Variants in DNAH17 observed in about 807,000 individuals in gnomAD.
DNAH17 encodes dynein axonemal heavy chain 17.
A neutral mutation model predicts 485.6 loss-of-function variants in DNAH17; 376 were observed. That is an observed-to-expected ratio of 0.77 (90% CI 0.71 to 0.84). The LOEUF is 0.84. DNAH17 is among the 40% of genes least tolerant of loss of function. The pLI is 0.00. For synonymous variants in DNAH17, 3,031 were observed against 2,405.9 expected (o/e 1.26, Z -7.60); for missense variants, 6,370 against 5,839.3 (o/e 1.09, Z -2.96).
In DNAH17 at chr17:78,502,582, G is replaced by A; in HGVS notation, c.5190+9C>T. On this transcript the variant is annotated intron_variant, in intron 33 of 80. Coordinates refer to ENST00000389840, the MANE Select transcript of DNAH17 (RefSeq NM_173628.4). The stretch of plus-strand genomic sequence containing the variant: ...TAAAAACGTAACTAACTACACACTA[G>A]TAACACACCTGCTTTTTGTTATAAT... 1 of 1,611,148 alleles carries A rather than the reference G, an allele frequency of 6.2e-7. No homozygotes were observed. Among genetic ancestry groups the A allele is most frequent in the Non-Finnish European group, 8.5e-7 (1 of 1,178,612 alleles).
At chr17:78,511,870 G>T (rs1373089260) in intron 26 of DNAH17, among the ~76,000 whole-genome samples, 5 of 152,246 alleles carry the variant, frequency 3.3e-5, no homozygotes, top group African/African-American at 1.2e-4. Context: ...AGGGGCACAT[G>T]AACCTGTTAC....
intron 16 of DNAH17, among the ~76,000 whole-genome samples, chr17:78,548,641 C>G (rs892072666): frequency 2.0e-5 from 3 of 152,212 alleles, no homozygotes; most frequent in Admixed American, 6.5e-5. Flanking sequence ...CCTTTTGGTC[C>G]TAACCCCTTT....
intron 25 of DNAH17, chr17:78,522,782 G>T: frequency 4.4e-6 from 1 of 226,544 alleles, no homozygotes. Context: ...AAAGCTAGAA[G>T]CTCTTTTGGT....
chr17:78,526,932 G>A lies in DNAH17; in HGVS notation c.3572C>T (p.Pro1191Leu). ...GATGCTGACCTCGTTGGCCTGGAGT[G>A]GTGCCACGGTCAGCTTCACCTGAAT... ...LAIQVKLTVAPLQANEVSILR... is the reference protein window; with the variant it reads ...LAIQVKLTVALLQANEVSILR... Residue 1191 changes from proline (P) to leucine (L), a missense_variant, in exon 23 of 81, where the codon CCA becomes CTA. Pro to Leu is a moderately conservative substitution (Grantham distance 98). Coordinates refer to ENST00000389840, the MANE Select transcript of DNAH17 (RefSeq NM_173628.4). 1.3e-6 allele frequency: 2 copies of A among 1,587,968 alleles called. No individual in the cohort carries two copies. The highest frequency in any genetic ancestry group is 1.7e-6 in the Non-Finnish European group (2 of 1,166,930).
At chr17:78,461,824 T>G in intron 57 of DNAH17, 116 bp from the exon 58 acceptor site, 4 of 1,017,528 alleles carry the variant, frequency 3.9e-6, no homozygotes, top group Non-Finnish European at 5.6e-6. Flanking sequence ...GGGCCGTGTC[T>G]TACGACTCCC....
At chr17:78,554,948 C>T (rs893748935) in intron 14 of DNAH17, among the ~76,000 whole-genome samples, 6 of 152,140 alleles carry the variant, frequency 3.9e-5, no homozygotes, top group East Asian at 1.9e-4. Flanking sequence ...GGTATTAGCA[C>T]GTTGGCCAGG....
chr17:78,500,616 C>CTCA, intron 35 of DNAH17, 155 bp from the exon 36 acceptor site: 1 of 661,740 alleles, frequency 1.5e-6, no homozygotes, highest in Non-Finnish European at 2.3e-6. Context: ...TCAAATGATT[C>CTCA]TCATGCCTCA....
chr17:78,561,682 G>A (rs2092158351), intron 12 of DNAH17, 33 bp downstream of exon 12: 1 of 1,571,402 alleles, frequency 6.4e-7, no homozygotes, highest in African/African-American at 1.3e-5. Flanking sequence ...CATGGAGGCG[G>A]GGTGCCTGCC....
At chr17:78,509,749 A>G (rs1012259435) in intron 27 of DNAH17, among the ~76,000 whole-genome samples, 2 of 150,700 alleles carry the variant, frequency 1.3e-5, no homozygotes, top group African/African-American at 4.9e-5. Flanking sequence ...ACTGACGTCC[A>G]TGGAGGAGTC....
Position 78,507,385 on chromosome 17 carries a change from G to C in DNAH17, c.4585-16C>G, listed in dbSNP as rs369085203. 1 of 1,613,994 alleles carries C rather than the reference G, an allele frequency of 6.2e-7. No individual in the cohort carries two copies. Among genetic ancestry groups the C allele is most frequent in the Non-Finnish European group, 8.5e-7 (1 of 1,179,866 alleles). On this transcript the variant is annotated splice_polypyrimidine_tract_variant and intron_variant, in intron 28 of 80. Coordinates refer to ENST00000389840, the MANE Select transcript of DNAH17 (RefSeq NM_173628.4). ...CCATCAAGGCCTGGGAAGAGAAGGG[G>C]ATCGCCAAGGCATTAGGGATCGCCA...
chr17:78,570,322 G>A lies in DNAH17; in HGVS notation c.969C>T (p.Ala323=), dbSNP rs1358555510. 11 of 1,607,990 alleles carry A rather than the reference G, an allele frequency of 6.8e-6. No individual in the cohort carries two copies. The highest frequency in any genetic ancestry group is 9.3e-6 in the Non-Finnish European group (11 of 1,177,622). ...KVLDTICFIW[A]TSEYYNTPAR... is the part of the protein sequence containing the mutation. ...CAGGTGTGTTATAGTACTCAGAGGT[G>A]GCCCAGATGAAGCAGATGGTGTCCA... Residue 323 remains alanine, a synonymous_variant, in exon 7 of 81, where the codon GCC becomes GCT. Coordinates refer to ENST00000389840, the MANE Select transcript of DNAH17 (RefSeq NM_173628.4).
At chr17:78,432,208 T>TAAATA (rs1555650267) in intron 75 of DNAH17, among the ~76,000 whole-genome samples, 15,200 of 146,402 alleles carry the variant, frequency 0.1, 993 homozygotes, top group Non-Finnish European at 0.15. Context: ...ATAAATAAAA[T>TAAATA]AAATAAAAAT....
chr17:78,555,375 A>T (rs1304108765), intron 14 of DNAH17, among the ~76,000 whole-genome samples: 1 of 151,976 alleles, frequency 6.6e-6, no homozygotes, highest in Non-Finnish European at 1.5e-5. Flanking sequence ...TGGTGCTCCT[A>T]CCATACCTGG....
chr17:78,565,517 C>CA (rs1419623674), intron 11 of DNAH17, among the ~76,000 whole-genome samples: 2 of 152,318 alleles, frequency 1.3e-5, no homozygotes, highest in East Asian at 3.9e-4. Flanking sequence ...AGATGACCAC[C>CA]AGCCCAGGCT....
At chr17:78,486,607 G>A in intron 44 of DNAH17, 101 bp from the exon 45 acceptor site, 1 of 1,408,826 alleles carries the variant, frequency 7.1e-7, no homozygotes, top group South Asian at 1.4e-5. Context: ...CAATTCTGCT[G>A]GGGCTGCCCT....
chr17:78,561,350 C>T (rs187548250), intron 12 of DNAH17, among the ~76,000 whole-genome samples: 1 of 152,136 alleles, frequency 6.6e-6, no homozygotes. Flanking sequence ...TCCCCTGCAG[C>T]CGTCCCTGCG....
At position 78,485,098 on chromosome 17, in the gene DNAH17, G is replaced by A. The variant is rs74001373; in HGVS notation, c.7484-65C>T. ...TGAGCCAGAGCCTGTTAGGTAGGGAGGGGCGCTACCTGCTTCCCCGGAGGA... is the reference window on the plus strand; with the variant it reads ...TGAGCCAGAGCCTGTTAGGTAGGGAAGGGCGCTACCTGCTTCCCCGGAGGA... On this transcript the variant is annotated intron_variant, in intron 47 of 80. Coordinates refer to ENST00000389840, the MANE Select transcript of DNAH17 (RefSeq NM_173628.4). The A allele has an allele frequency of 0.099, 149,062 of 1,505,220 alleles. 7,730 individuals are homozygous for A. The highest frequency in any genetic ancestry group is 0.12 in the East Asian group (5,241 of 42,654). The allele number at this position is 1,505,220 out of a possible 1,614,324, so 93.2% of individuals were successfully genotyped here. A position where few individuals can be genotyped will look rare whatever the true frequency, so the allele number is the denominator to read the frequency against.
At chr17:78,549,219 G>C (rs1175920270) in intron 16 of DNAH17, among the ~76,000 whole-genome samples, 1 of 152,210 alleles carries the variant, frequency 6.6e-6, no homozygotes, top group Non-Finnish European at 1.5e-5. Flanking sequence ...ATGAGATCAT[G>C]AGAGTAGGGC....
In DNAH17 at chr17:78,507,603, G is replaced by C. The variant is rs1191047810; in HGVS notation, c.4439C>G (p.Ser1480Cys). The C allele has an allele frequency of 6.2e-7, 1 of 1,614,144 alleles. No individual in the cohort carries two copies. The highest frequency in any genetic ancestry group is 1.1e-5 in the South Asian group (1 of 91,078). The stretch of plus-strand genomic sequence containing the variant: ...GATGGAGATGACGGAGTCCGCCGTG[G>C]ACAGCTTCTGCTGCCAGCTTGTCAC... The part of the protein sequence containing the change: ...KEVTSWQQKL[S>C]TADSVISIWF... The change falls in exon 28 of 81, where the codon TCC becomes TGC. Residue 1480 changes from serine (S) to cysteine (C), a missense_variant. Physicochemically the swap from Ser to Cys is moderately radical, Grantham distance 112. Coordinates refer to ENST00000389840, the MANE Select transcript of DNAH17 (RefSeq NM_173628.4).
Sources: gnomAD v4.1 joint callset for allele counts (sites outside exome capture counted in the v4.1 genomes callset) on GRCh38, gnomAD v4.1.1 for gene constraint, MANE v1.5 for transcripts, NCBI Gene and HGNC (gene_info 2026-07-23, HGNC 2026-07-21) for gene names.